The following C8A variants were observed in gnomAD, a reference collection of about 807,000 sequenced individuals.
The protein encoded by C8A is complement C8 alpha chain.
A neutral mutation model predicts 65.3 loss-of-function variants in C8A; 67 were observed. The ratio of observed to expected loss-of-function variants is 1.03; its 90% CI spans 0.84 to 1.26. C8A has a LOEUF of 1.26. Among genes scored for constraint, C8A ranks in the 50% most tolerant of loss-of-function variants. C8A has a pLI of 0.00. For synonymous variants in C8A, 290 were observed against 259.4 expected (o/e 1.12, Z -1.13); for missense variants, 781 against 723.9 (o/e 1.08, Z -0.90).
chr1:56,857,367 T>G (rs1259103814), intron 1 of C8A, among the ~76,000 whole-genome samples: 3 of 151,876 alleles, frequency 2.0e-5, no homozygotes, highest in Admixed American at 2.0e-4. Context: ...ATTTACCCTT[T>G]TATTATCATG....
intron 10 of C8A, among the ~76,000 whole-genome samples, chr1:56,916,274 C>T (rs17114608): frequency 0.065 from 9,928 of 152,284 alleles, 554 homozygotes; most frequent in African/African-American, 0.14. Context: ...CAGCTCATGG[C>T]GCTCCATCAA....
Position 56,877,309 on chromosome 1 carries a change from T to C in C8A, c.464+1100T>C, listed in dbSNP as rs184868067. ...TAGTACACCGAGGTACCATCTCCCC[T>C]AGGTAGTCTTTGTAACAGCCCCCTC... is the stretch of plus-strand genomic sequence containing the variant. On this transcript the variant is annotated intron_variant, in intron 4 of 10. Coordinates refer to ENST00000361249, the MANE Select transcript of C8A (RefSeq NM_000562.3). 3.0e-4 allele frequency among the ~76,000 whole-genome samples: 46 copies of C among 152,182 alleles called. 2 individuals carry two copies. The highest frequency in any genetic ancestry group is 1.1e-3 in the African/African-American group (46 of 41,560).
chr1:56,873,466 G>A (rs1049299570), intron 2 of C8A, among the ~76,000 whole-genome samples: 3 of 152,122 alleles, frequency 2.0e-5, no homozygotes, highest in African/African-American at 7.2e-5. Context: ...ACCCAAGTCT[G>A]TCTAATCCTC....
At chr1:56,868,086 A>G (rs601662) in intron 2 of C8A, among the ~76,000 whole-genome samples, 82,373 of 151,838 alleles carry the variant, frequency 0.54, 23,319 homozygotes, top group East Asian at 0.9. Flanking sequence ...TCCAAGGGAT[A>G]TCCCAGAGTG....
At chr1:56,858,106 C>T (rs1410697363) in intron 1 of C8A, among the ~76,000 whole-genome samples, 3 of 152,106 alleles carry the variant, frequency 2.0e-5, no homozygotes, top group Non-Finnish European at 4.4e-5. Context: ...TCTTCTACTA[C>T]CCTTCTCATT....
intron 7 of C8A, among the ~76,000 whole-genome samples, chr1:56,886,925 TG>T (rs1644304851): frequency 6.6e-6 from 1 of 152,182 alleles, no homozygotes; most frequent in African/African-American, 2.4e-5. Flanking sequence ...TTGCTGGCAA[TG>T]TAAATTCTCA....
intron 10 of C8A, among the ~76,000 whole-genome samples, chr1:56,915,673 C>T (rs1325360671): frequency 6.6e-6 from 1 of 152,152 alleles, no homozygotes; most frequent in Non-Finnish European, 1.5e-5. Context: ...GACATAAATG[C>T]TATTATGAGT....
chr1:56,890,960 T>C (rs1395362475), intron 7 of C8A, among the ~76,000 whole-genome samples: 2 of 152,062 alleles, frequency 1.3e-5, no homozygotes, highest in Non-Finnish European at 2.9e-5. Flanking sequence ...CCAATCATTT[T>C]TGTTTATTAC....
intron 1 of C8A, among the ~76,000 whole-genome samples, chr1:56,867,146 C>T (rs1414764063): frequency 6.6e-6 from 1 of 152,112 alleles, no homozygotes; most frequent in Non-Finnish European, 1.5e-5. Flanking sequence ...TTTCAATACA[C>T]TTTCAATAAC....
chr1:56,885,289 A>C, intron 6 of C8A, among the ~76,000 whole-genome samples: 1 of 137,574 alleles, frequency 7.3e-6, no homozygotes, highest in Admixed American at 7.4e-5. Flanking sequence ...TATTTACATA[A>C]ATATATATTT....
At chr1:56,902,478 C>T (rs993267004) in intron 7 of C8A, among the ~76,000 whole-genome samples, 3 of 152,144 alleles carry the variant, frequency 2.0e-5, no homozygotes, top group East Asian at 1.9e-4. Context: ...CTTCTCTGAT[C>T]ATTCCCTATT....
At chr1:56,881,850 T>A (rs901665923) in intron 5 of C8A, among the ~76,000 whole-genome samples, 1 of 152,170 alleles carries the variant, frequency 6.6e-6, no homozygotes, top group Non-Finnish European at 1.5e-5. Context: ...AAATCTTGGC[T>A]CCATTCCAAA....
intron 1 of C8A, among the ~76,000 whole-genome samples, chr1:56,856,669 T>G (rs755872057): frequency 6.6e-6 from 1 of 152,150 alleles, no homozygotes; most frequent in South Asian, 2.1e-4. Flanking sequence ...ATTTATTTTA[T>G]AAGTTCATGT....
At chr1:56,910,879 C>G (rs1330709438) in intron 9 of C8A, among the ~76,000 whole-genome samples, 1 of 152,194 alleles carries the variant, frequency 6.6e-6, no homozygotes, top group Non-Finnish European at 1.5e-5. Flanking sequence ...CTGACTTGCT[C>G]TGGCACAGTC....
At chr1:56,900,820 CGA>C (rs1401508811) in intron 7 of C8A, among the ~76,000 whole-genome samples, 3 of 152,098 alleles carry the variant, frequency 2.0e-5, no homozygotes, top group Non-Finnish European at 4.4e-5. Flanking sequence ...TTTGCAAACC[CGA>C]GAGATGACTT....
intron 3 of C8A, 144 bp from the exon 4 acceptor site, chr1:56,875,918 G>C: frequency 1.7e-6 from 2 of 1,152,468 alleles, no homozygotes; most frequent in Non-Finnish European, 2.5e-6. Context: ...CATTAGGCTG[G>C]AAGGAAGGCA....
chr1:56,912,298 G>A (rs1456816264), intron 9 of C8A, 105 bp from the exon 10 acceptor site: 2 of 984,448 alleles, frequency 2.0e-6, no homozygotes, highest in Admixed American at 2.0e-5. Context: ...CTGTGTCTGT[G>A]CCTGGCATGT....
intron 1 of C8A, among the ~76,000 whole-genome samples, chr1:56,855,704 G>T: frequency 6.7e-6 from 1 of 149,922 alleles, no homozygotes; most frequent in African/African-American, 2.4e-5. Context: ...TTTCACCTTC[G>T]GGATAGCTTT....
intron 3 of C8A, 45 bp from the exon 4 acceptor site, chr1:56,876,017 A>T (rs1557701430): frequency 1.2e-6 from 2 of 1,603,842 alleles, no homozygotes; most frequent in East Asian, 2.2e-5. Flanking sequence ...GTGAGTCTGG[A>T]GGGAGAGGGG....
Sources: allele counts gnomAD v4.1 joint callset (sites outside exome capture counted in the v4.1 genomes callset), GRCh38; gene constraint gnomAD v4.1.1; transcripts MANE v1.5; gene names NCBI Gene and HGNC (gene_info 2026-07-23, HGNC 2026-07-21).